The following KPNB1 variants were observed in gnomAD, a reference collection of about 807,000 sequenced individuals.
KPNB1 encodes the protein importin subunit beta-1.
KPNB1 carries 7 observed loss-of-function variants against 113.0 expected under a neutral mutation model. That is an observed-to-expected ratio of 0.06 (90% CI 0.04 to 0.12). The LOEUF (loss-of-function observed/expected upper bound fraction) is 0.12, where lower values mean the gene tolerates loss of function less well. Among genes scored for constraint, KPNB1 ranks in the 10% least tolerant of loss-of-function variants. The probability of loss-of-function intolerance (pLI) is 1.00; values close to 1 mark genes in which losing one functional copy is unlikely to be tolerated. For synonymous variants in KPNB1, 363 were observed against 378.6 expected (o/e 0.96, Z 0.48); for missense variants, 400 against 1,054.8 (o/e 0.38, Z 8.60).
chr17:47,680,718 G>A (rs369580009), intron 21 of KPNB1, 49 bp downstream of exon 21: 3 of 1,568,668 alleles, frequency 1.9e-6, no homozygotes, highest in East Asian at 2.3e-5. Context: ...CTGGAGGAGG[G>A]GGGTATGTTT....
intron 12 of KPNB1, among the ~76,000 whole-genome samples, chr17:47,672,417 G>A (rs985023593): frequency 1.3e-5 from 2 of 150,712 alleles, no homozygotes; most frequent in Non-Finnish European, 3.0e-5. Flanking sequence ...TTTTTTTCTG[G>A]GACGGAGTTT....
chr17:47,658,690 C>G (rs1475612148), intron 5 of KPNB1, 30 bp downstream of exon 5: 1 of 1,589,892 alleles, frequency 6.3e-7, no homozygotes, highest in African/African-American at 1.3e-5. Flanking sequence ...GGTATAGATT[C>G]AGACAGTAAG....
At chr17:47,670,464 G>T (rs2030412515) in intron 11 of KPNB1, 2 of 345,678 alleles carry the variant, frequency 5.8e-6, no homozygotes, top group East Asian at 4.8e-5. Flanking sequence ...GCAGGTATTG[G>T]TGAAAGTACT....
At position 47,683,146 on chromosome 17, in the gene KPNB1, T is replaced by C. The variant is rs1281194184; in HGVS notation, c.*742T>C. ...ACACACACAGAGGAAAGACGCTCTT[T>C]AGGTTTTGTTTTGTTTTTTTTTTTT... On this transcript the variant is annotated 3_prime_UTR_variant, in exon 22 of 22. Coordinates refer to ENST00000290158, the MANE Select transcript of KPNB1 (RefSeq NM_002265.6). The C allele has an allele frequency of 4.1e-5, 6 of 144,874 alleles. No individual in the cohort carries two copies. Among genetic ancestry groups the C allele is most frequent in the Admixed American group, 1.4e-4 (2 of 14,466 alleles). 9.0% of individuals were successfully genotyped at this position (144,874 alleles called of 1,614,324 possible).
At chr17:47,651,993 A>AT (rs1419357292) in intron 2 of KPNB1, among the ~76,000 whole-genome samples, 1 of 152,144 alleles carries the variant, frequency 6.6e-6, no homozygotes, top group Admixed American at 6.5e-5. Flanking sequence ...TTGCCTGAAG[A>AT]TTTTTTCTTT....
intron 17 of KPNB1, among the ~76,000 whole-genome samples, chr17:47,677,656 AG>A (rs1261198838): frequency 1.3e-5 from 2 of 152,310 alleles, no homozygotes; most frequent in East Asian, 3.9e-4. Flanking sequence ...GCAAAGGAAA[AG>A]TAAATACAGT....
intron 17 of KPNB1, 96 bp downstream of exon 17, chr17:47,677,223 C>T (rs1056168302): frequency 2.0e-6 from 2 of 983,834 alleles, no homozygotes; most frequent in African/African-American, 1.6e-5. Flanking sequence ...GCGCAGTGGC[C>T]TGTAATCCCA....
chr17:47,676,522 C>G, intron 16 of KPNB1, 31 bp downstream of exon 16: 1 of 1,490,392 alleles, frequency 6.7e-7, no homozygotes. Context: ...TAGTATGTTC[C>G]CATTTATATC....
rs571522744 is a variant in KPNB1 at position 47,673,020 on chromosome 17, C to T, written c.1550C>T (p.Pro517Leu). 6.8e-6 allele frequency: 11 copies of T among 1,613,234 alleles called. No individual in the cohort carries two copies. Among genetic ancestry groups the T allele is most frequent in the Non-Finnish European group, 9.3e-6 (11 of 1,179,672 alleles). ...GATTTTCGCTGTGTTCTTTACAGAC[C>T]TGATGGACACCAGAACAACCTGAGG... is the stretch of plus-strand genomic sequence containing the variant. Reference protein sequence around the residue: ...VQKLLETTDRPDGHQNNLRSS... With the variant: ...VQKLLETTDRLDGHQNNLRSS... Residue 517 changes from proline (P) to leucine (L), a missense_variant and splice_region_variant, in exon 13 of 22, where the codon CCT (proline) becomes CTT (leucine). This residue lies in a region of KPNB1 where 285 missense variants were observed against 627.0 expected (regional missense o/e 0.45). Transcript: ENST00000290158.
At chr17:47,668,122 G>GTTAAAATGATTA in intron 9 of KPNB1, 64 bp from the exon 10 acceptor site, 1 of 1,295,244 alleles carries the variant, frequency 7.7e-7, no homozygotes, top group Non-Finnish European at 1.1e-6. Flanking sequence ...AGTAGTCAGA[G>GTTAAAATGATTA]GACCTTTAGA....
intron 12 of KPNB1, 35 bp downstream of exon 12, chr17:47,670,867 T>C: frequency 1.3e-6 from 2 of 1,575,238 alleles, no homozygotes; most frequent in Non-Finnish European, 1.7e-6. Context: ...GTGACGTCTT[T>C]GCATCCAAGT....
intron 10 of KPNB1, 95 bp downstream of exon 10, chr17:47,668,505 A>G (rs1168208756): frequency 4.3e-6 from 4 of 925,254 alleles, no homozygotes; most frequent in Non-Finnish European, 5.0e-6. Context: ...GTAAATTGTC[A>G]TCTACAAAGA....
At chr17:47,670,908 C>T in intron 12 of KPNB1, 76 bp downstream of exon 12, 2 of 1,281,034 alleles carry the variant, frequency 1.6e-6, no homozygotes, top group Non-Finnish European at 2.2e-6. Flanking sequence ...GGATATCTAG[C>T]TTAATCATAG....
intron 9 of KPNB1, among the ~76,000 whole-genome samples, chr17:47,665,804 C>T (rs528887135): frequency 5.9e-5 from 9 of 152,072 alleles, no homozygotes; most frequent in South Asian, 2.1e-4. Flanking sequence ...TTTTTTGATA[C>T]GGTATTTGGG....
chr17:47,662,727 C>T (rs564935701), intron 6 of KPNB1, among the ~76,000 whole-genome samples: 197 of 151,948 alleles, frequency 1.3e-3, no homozygotes, highest in African/African-American at 4.4e-3. Flanking sequence ...ACTAAAAATA[C>T]AAAAAATTAG....
At chr17:47,652,526 T>G (rs944631579) in intron 2 of KPNB1, among the ~76,000 whole-genome samples, 168 bp from the exon 3 acceptor site, 1 of 152,100 alleles carries the variant, frequency 6.6e-6, no homozygotes, top group African/African-American at 2.4e-5. Flanking sequence ...TTTATAGAAG[T>G]CAGTGAAGTA....
rs137864253 is a variant in KPNB1 at position 47,665,074 on chromosome 17, G to A, written c.915G>A (p.Arg305=). ...CTCCTCAGGCAGCAGAACAAGGACGGCCCCCTGAGCACACCAGCAAGTTTT... is the reference window on the plus strand; with the variant it reads ...CTCCTCAGGCAGCAGAACAAGGACGACCCCCTGAGCACACCAGCAAGTTTT... ...IEASEAAEQG[R]PPEHTSKFYA... The change falls in exon 9 of 22, where the codon CGG becomes CGA. Residue 305 remains arginine (R), a synonymous_variant. Transcript: ENST00000290158. 5.0e-6 allele frequency: 8 copies of A among 1,613,982 alleles called. No homozygotes were observed. In the African/African-American group the frequency reaches 1.1e-4, roughly 22 times the overall value.
intron 13 of KPNB1, 91 bp from the exon 14 acceptor site, chr17:47,673,399 T>G: frequency 2.6e-6 from 3 of 1,144,742 alleles, no homozygotes; most frequent in Non-Finnish European, 3.9e-6. Flanking sequence ...GTTGTTTACT[T>G]TCCTATGTTA....
intron 10 of KPNB1, among the ~76,000 whole-genome samples, chr17:47,668,950 A>T (rs1434715848): frequency 1.3e-5 from 2 of 151,572 alleles, no homozygotes; most frequent in African/African-American, 4.9e-5. Flanking sequence ...CTGGGCAACG[A>T]GCGAAACTCT....
Sources: gnomAD v4.1 joint callset for allele counts (sites outside exome capture counted in the v4.1 genomes callset) on GRCh38, gnomAD v4.1.1 for gene constraint, gnomAD v4.1.1 regional missense constraint, MANE v1.5 for transcripts, NCBI Gene and HGNC (gene_info 2026-07-23, HGNC 2026-07-21) for gene names.